Variants in TMEM108 observed in about 807,000 individuals in gnomAD.
TMEM108 encodes the protein transmembrane protein 108, also known as cancer/testis antigen 124.
Under a neutral mutation model 35.1 loss-of-function variants are expected in TMEM108, and 12 were observed. The observed-to-expected ratio is 0.34, with a 90% CI of 0.22 to 0.55. The LOEUF (loss-of-function observed/expected upper bound fraction) is 0.55, where lower values mean the gene tolerates loss of function less well. Among genes scored for constraint, TMEM108 ranks in the 20% least tolerant of loss-of-function variants. TMEM108 has a pLI of 0.89. For synonymous variants in TMEM108, 287 were observed against 308.6 expected (o/e 0.93, Z 0.73); for missense variants, 680 against 753.3 (o/e 0.90, Z 1.14).
intron 3 of TMEM108, among the ~76,000 whole-genome samples, chr3:133,234,451 C>T (rs1008503766): frequency 1.3e-5 from 2 of 152,136 alleles, no homozygotes; most frequent in African/African-American, 4.8e-5. Flanking sequence ...TCAATATACG[C>T]ACATCAATAA....
At chr3:133,156,146 T>C (rs1944878978) in intron 2 of TMEM108, among the ~76,000 whole-genome samples, 1 of 151,734 alleles carries the variant, frequency 6.6e-6, no homozygotes, top group Admixed American at 6.6e-5. Flanking sequence ...TTAATTTTTC[T>C]AGTTAACTTC....
At chr3:133,384,473 G>A (rs146083207) in intron 4 of TMEM108, among the ~76,000 whole-genome samples, 345 of 138,342 alleles carry the variant, frequency 2.5e-3, no homozygotes, top group Non-Finnish European at 2.2e-3. Context: ...CACAACCAGT[G>A]CCTGGAGGCA....
At chr3:133,136,858 G>T (rs1944571416) in intron 2 of TMEM108, among the ~76,000 whole-genome samples, 1 of 152,158 alleles carries the variant, frequency 6.6e-6, no homozygotes, top group African/African-American at 2.4e-5. Context: ...TGTGTGGTTG[G>T]TGGTGGCTGA....
chr3:133,130,905 G>T (rs888433115), intron 2 of TMEM108, among the ~76,000 whole-genome samples: 2 of 152,258 alleles, frequency 1.3e-5, no homozygotes, highest in East Asian at 3.9e-4. Flanking sequence ...TACTTTTCAA[G>T]AAAATTATCT....
At chr3:133,103,906 C>G (rs74512788) in intron 2 of TMEM108, among the ~76,000 whole-genome samples, 6,680 of 152,274 alleles carry the variant, frequency 0.044, 197 homozygotes, top group South Asian at 0.066. Flanking sequence ...CCACTTAGAA[C>G]TGCTTGGCAT....
chr3:133,395,443 GA>G (rs1433746889), intron 5 of TMEM108, among the ~76,000 whole-genome samples: 13 of 152,316 alleles, frequency 8.5e-5, no homozygotes, highest in Admixed American at 6.5e-4. Flanking sequence ...AAGTCTGTGA[GA>G]AAGAGGCAGG....
At chr3:133,111,342 T>C (rs548022389) in intron 2 of TMEM108, among the ~76,000 whole-genome samples, 1 of 152,314 alleles carries the variant, frequency 6.6e-6, no homozygotes, top group Admixed American at 6.5e-5. Flanking sequence ...AACCCAGGAC[T>C]CTGGCTTCAG....
chr3:133,060,935 A>G (rs1374438102), intron 2 of TMEM108, among the ~76,000 whole-genome samples: 3 of 152,346 alleles, frequency 2.0e-5, no homozygotes, highest in South Asian at 4.1e-4. Context: ...ATACAGGTCA[A>G]CTGTGGAATA....
At chr3:133,095,026 C>A (rs570824791) in intron 2 of TMEM108, among the ~76,000 whole-genome samples, 1 of 152,218 alleles carries the variant, frequency 6.6e-6, no homozygotes, top group Non-Finnish European at 1.5e-5. Context: ...ATGCCATTCA[C>A]TAGTAGACCC....
chr3:133,090,393 G>A (rs1448475262), intron 2 of TMEM108, among the ~76,000 whole-genome samples: 6 of 152,176 alleles, frequency 3.9e-5, no homozygotes, highest in Non-Finnish European at 8.8e-5. Context: ...TAATTTAAAA[G>A]GGAACTATTA....
At chr3:133,057,026 A>G (rs1199789150) in intron 2 of TMEM108, among the ~76,000 whole-genome samples, 1 of 152,176 alleles carries the variant, frequency 6.6e-6, no homozygotes, top group Non-Finnish European at 1.5e-5. Flanking sequence ...GAGTTTATTT[A>G]AGTAGACTCT....
At chr3:133,298,062 C>T (rs982120932) in intron 3 of TMEM108, among the ~76,000 whole-genome samples, 1 of 152,098 alleles carries the variant, frequency 6.6e-6, no homozygotes, top group African/African-American at 2.4e-5. Context: ...GAGCTCCTGC[C>T]CTCCCCTGAT....
intron 3 of TMEM108, among the ~76,000 whole-genome samples, chr3:133,231,982 C>T (rs754897084): frequency 6.6e-6 from 1 of 152,110 alleles, no homozygotes; most frequent in Non-Finnish European, 1.5e-5. Context: ...CTCTCTGACC[C>T]CTGCATATGT....
At chr3:133,326,451 T>C (rs191534353) in intron 3 of TMEM108, among the ~76,000 whole-genome samples, 168 of 152,340 alleles carry the variant, frequency 1.1e-3, no homozygotes, top group African/African-American at 3.7e-3. Flanking sequence ...GAGTCTCACC[T>C]TCCCTTTAGT....
Position 133,380,667 on chromosome 3 carries a change from G to A in TMEM108, c.956G>A (p.Arg319His), listed in dbSNP as rs746280155. The A allele has an allele frequency of 7.4e-6, 12 of 1,613,906 alleles. No homozygotes were observed. Among genetic ancestry groups the A allele is most frequent in the Admixed American group, 3.3e-5 (2 of 59,992 alleles). The change falls in exon 4 of 6, where the codon CGC (arginine) becomes CAC (histidine). Residue 319 changes from arginine (R) to histidine (H), a missense_variant. Physicochemically the swap from Arg to His is conservative, Grantham distance 29. Transcript: ENST00000321871. The surrounding 1 kb of genome is among the most constrained non-coding windows in gnomAD (Gnocchi z 5.3). ...CAAGCTGCCCCAGTGCCTTCTCAGC[G>A]CCCCCACCACGGTGACCCACAGGAT... ...SPQAAPVPSQRPHHGDPQDGP... is the reference protein window; with the variant it reads ...SPQAAPVPSQHPHHGDPQDGP...
At chr3:133,040,094 C>T (rs1398312075) in intron 1 of TMEM108, among the ~76,000 whole-genome samples, 1 of 151,992 alleles carries the variant, frequency 6.6e-6, no homozygotes, top group Non-Finnish European at 1.5e-5. Context: ...TAGAATATCA[C>T]AAATGACCCT....
intron 2 of TMEM108, among the ~76,000 whole-genome samples, chr3:133,082,341 G>A (rs761963351): frequency 2.0e-5 from 3 of 152,236 alleles, no homozygotes; most frequent in African/African-American, 7.2e-5. Context: ...ACAGGAGTGG[G>A]TGGCAAAGGA....
chr3:133,166,108 A>G (rs900755268), intron 2 of TMEM108, among the ~76,000 whole-genome samples: 3 of 152,198 alleles, frequency 2.0e-5, no homozygotes, highest in Non-Finnish European at 2.9e-5. Context: ...TAATTGTTTT[A>G]ATGTTGCTTA....
At chr3:133,060,307 C>A (rs1005548674) in intron 2 of TMEM108, among the ~76,000 whole-genome samples, 1 of 152,142 alleles carries the variant, frequency 6.6e-6, no homozygotes, top group Non-Finnish European at 1.5e-5. Context: ...ATTATCAACC[C>A]AGAGAAGGGA....
Sources: allele counts gnomAD v4.1 joint callset (sites outside exome capture counted in the v4.1 genomes callset), GRCh38; gene constraint gnomAD v4.1.1; non-coding constraint Gnocchi (gnomAD v3.1); transcripts MANE v1.5; gene names NCBI Gene and HGNC (gene_info 2026-07-23, HGNC 2026-07-21).